Variants in CELF2 observed in about 807,000 individuals in gnomAD.
The protein encoded by CELF2 is CUGBP Elav-like family member 2.
In CELF2, 8 loss-of-function variants were observed where a neutral mutation model predicts 62.6. The observed-to-expected ratio is 0.13, with a 90% CI of 0.07 to 0.23. The LOEUF (loss-of-function observed/expected upper bound fraction) is 0.23. Ranked by LOEUF, CELF2 falls within the 10% of genes least tolerant of loss-of-function variation. The pLI is 1.00. For missense variants in CELF2, 333 were observed against 671.0 expected (o/e 0.50, Z 5.56); for synonymous variants, 258 against 250.0 (o/e 1.03, Z -0.30).
chr10:10,666,303 G>A, the CELF2 span, among the ~76,000 whole-genome samples: 3 of 152,134 alleles, frequency 2.0e-5, no homozygotes, highest in Admixed American at 2.0e-4. Context: ...TGTTGGCTCC[G>A]TGTCTCTCAA....
the CELF2 span, among the ~76,000 whole-genome samples, chr10:10,759,296 C>CTTTTTTT: frequency 2.5e-3 from 303 of 120,840 alleles, no homozygotes; most frequent in Middle Eastern, 4.3e-3. Flanking sequence ...GCCCATTTTT[C>CTTTTTTT]TTTTTTTTTT....
chr10:10,641,318 T>C, the CELF2 span, among the ~76,000 whole-genome samples: 1 of 152,228 alleles, frequency 6.6e-6, no homozygotes, highest in Non-Finnish European at 1.5e-5. Context: ...CGCAGTACTT[T>C]GTCCGGCTGT....
rs2076012021 is a variant in CELF2, at chr10:11,247,629, T to C, written c.355-1524T>C. Among the ~76,000 whole-genome samples, 1 of 132,456 alleles carries C rather than the reference T, an allele frequency of 7.5e-6. No homozygotes were observed. The highest frequency in any genetic ancestry group is 8.3e-5 in the Admixed American group (1 of 12,002). 86.9% of individuals were successfully genotyped at this position (132,456 alleles called of 152,430 possible). ...GCCCGCCATCCCACCCCTGCCACACTGAGCACCTGAAGGGAGGACCTTCTT... is the reference window on the plus strand; with the variant it reads ...GCCCGCCATCCCACCCCTGCCACACCGAGCACCTGAAGGGAGGACCTTCTT... On this transcript the variant is annotated intron_variant, in intron 3 of 12. Transcript: ENST00000633077. The surrounding 1 kb of genome is among the most constrained non-coding windows in gnomAD (Gnocchi z 5.4).
chr10:10,482,660 G>A, the CELF2 span, among the ~76,000 whole-genome samples: 7 of 152,046 alleles, frequency 4.6e-5, no homozygotes, highest in African/African-American at 1.7e-4. Flanking sequence ...TGACATTTTG[G>A]AGCATCTTAC....
chr10:11,026,126 A>G (rs765764883), intron 1 of CELF2, among the ~76,000 whole-genome samples: 13 of 152,170 alleles, frequency 8.5e-5, no homozygotes, highest in Non-Finnish European at 1.3e-4. Context: ...TTTTCTTGTT[A>G]TGCAGACACA....
chr10:10,623,227 CAG>C, the CELF2 span, among the ~76,000 whole-genome samples: 5 of 151,304 alleles, frequency 3.3e-5, no homozygotes, highest in African/African-American at 1.2e-4. Flanking sequence ...AACCTGTCTG[CAG>C]AGAGTTCCCA....
chr10:11,233,253 G>A (rs530417149), intron 3 of CELF2, among the ~76,000 whole-genome samples: 1 of 152,254 alleles, frequency 6.6e-6, no homozygotes, highest in East Asian at 1.9e-4. Flanking sequence ...GACACCTTAC[G>A]CCATGGGCTT....
At chr10:10,608,599 G>A in the CELF2 span, among the ~76,000 whole-genome samples, 1 of 152,088 alleles carries the variant, frequency 6.6e-6, no homozygotes, top group Non-Finnish European at 1.5e-5. Flanking sequence ...TGAATTAGAG[G>A]CGAGGGACAA....
At position 11,145,768 on chromosome 10, in the gene CELF2, G is replaced by A. The variant is rs866028286; in HGVS notation, c.75-19718G>A. ...TGCTTCATTTATTTTTCTTTTTTTA[G>A]TGTCATTACCAGTATTGGTTGCACT... On this transcript the variant is annotated intron_variant, in intron 1 of 12. Transcript: ENST00000633077. The surrounding 1 kb of genome is among the most constrained non-coding windows in gnomAD (Gnocchi z 4.3). Among the ~76,000 whole-genome samples the A allele has an allele frequency of 2.6e-5, 4 of 152,150 alleles. No individual in the cohort carries two copies. Among genetic ancestry groups the A allele is most frequent in the Non-Finnish European group, 5.9e-5 (4 of 68,022 alleles).
chr10:10,970,982 A>T (rs2050693459), intron 2 of CELF2, among the ~76,000 whole-genome samples: 1 of 152,144 alleles, frequency 6.6e-6, no homozygotes, highest in African/African-American at 2.4e-5. Context: ...AACTGATGAC[A>T]TTGAATGAAG....
chr10:10,887,716 T>C, intron 1 of CELF2, among the ~76,000 whole-genome samples: 1 of 152,302 alleles, frequency 6.6e-6, no homozygotes, highest in East Asian at 1.9e-4. Context: ...ACATTTAAAA[T>C]TGTCTGGGAA....
the CELF2 span, among the ~76,000 whole-genome samples, chr10:10,729,904 T>C: frequency 2.0e-5 from 3 of 152,204 alleles, no homozygotes; most frequent in African/African-American, 7.2e-5. Context: ...TCCTAAGATA[T>C]AAAATAAATG....
chr10:10,654,500 C>T, the CELF2 span, among the ~76,000 whole-genome samples: 453 of 109,700 alleles, frequency 4.1e-3, 1 homozygote, highest in Non-Finnish European at 5.9e-3. Context: ...TCCAGCAGCA[C>T]ATCAAAAAGC....
chr10:10,813,535 G>A (rs894580408), intron 1 of CELF2, among the ~76,000 whole-genome samples: 1 of 152,248 alleles, frequency 6.6e-6, no homozygotes, highest in Non-Finnish European at 1.5e-5. Context: ...TAAATGGCAT[G>A]TAATGCCGGC....
rs976291071 is a variant in CELF2, at chr10:11,268,008, A to T, written c.618+1331A>T. ...ACTCACAACCCCCTACCTGAAGGCA[A>T]GCTCAGGTGAAAATCGGGCATGATA... On this transcript the variant is annotated intron_variant, in intron 6 of 12. Coordinates refer to ENST00000633077, the MANE Select transcript of CELF2 (RefSeq NM_001326342.2). The surrounding 1 kb of genome is among the most constrained non-coding windows in gnomAD (Gnocchi z 4.7). Among the ~76,000 whole-genome samples, 1 of 152,146 alleles carries T rather than the reference A, an allele frequency of 6.6e-6. No homozygotes were observed. Among genetic ancestry groups the T allele is most frequent in the African/African-American group, 2.4e-5 (1 of 41,430 alleles).
the CELF2 span, among the ~76,000 whole-genome samples, chr10:10,781,611 C>T: frequency 1.6e-4 from 24 of 152,172 alleles, no homozygotes; most frequent in African/African-American, 5.3e-4. Context: ...ATTCAGTTAC[C>T]TCCCACTAGG....
At chr10:10,918,154 A>G (rs2064526901) in intron 1 of CELF2, among the ~76,000 whole-genome samples, 2 of 152,248 alleles carry the variant, frequency 1.3e-5, no homozygotes, top group Non-Finnish European at 2.9e-5. Context: ...CAAATGACAG[A>G]AAGATAAAGG....
chr10:10,802,048 C>T (rs7921103), intron 1 of CELF2, among the ~76,000 whole-genome samples: 17,620 of 152,164 alleles, frequency 0.12, 1,394 homozygotes, highest in East Asian at 0.34. Context: ...TAATTTTCAA[C>T]ATTCTCCCAT....
At position 10,996,600 on chromosome 10, in the gene CELF2, C is replaced by A. The variant is rs78677472; in HGVS notation, c.89+76601C>A. On this transcript the variant is annotated intron_variant, in intron 2 of 13. Coordinates refer to the CELF2 transcript ENST00000636488. ...CCAAATAAAGAATTCATGATCTCAT[C>A]GATGGCAAGGTAACTCATAACTTTG... is the stretch of plus-strand genomic sequence containing the variant. Among the ~76,000 whole-genome samples, 21 of 152,280 alleles carry A rather than the reference C, an allele frequency of 1.4e-4. No individual in the cohort carries two copies. The East Asian group carries it at 3.7e-3, about 27-fold the overall frequency.
Sources: gnomAD v4.1 joint callset for allele counts (sites outside exome capture counted in the v4.1 genomes callset) on GRCh38, gnomAD v4.1.1 for gene constraint, Gnocchi (gnomAD v3.1) non-coding constraint, MANE v1.5 for transcripts, NCBI Gene and HGNC (gene_info 2026-07-23, HGNC 2026-07-21) for gene names.